CHD9: variants seen among roughly 807,000 people sequenced by gnomAD.
The protein encoded by CHD9 is ATP-dependent chromatin remodeler CHD9.
A neutral mutation model predicts 316.1 loss-of-function variants in CHD9; 77 were observed. The observed-to-expected ratio is 0.24, with a 90% CI of 0.20 to 0.29. CHD9 has a LOEUF of 0.29. Among genes scored for constraint, CHD9 ranks in the 10% least tolerant of loss-of-function variants. The pLI is 1.00. For synonymous variants in CHD9, 1,129 were observed against 1,158.3 expected (o/e 0.97, Z 0.51); for missense variants, 2,763 against 3,438.1 (o/e 0.80, Z 4.91).
chr16:53,066,999 A>G (rs1192249247), intron 1 of CHD9, among the ~76,000 whole-genome samples: 1 of 152,152 alleles, frequency 6.6e-6, no homozygotes, highest in Non-Finnish European at 1.5e-5. Flanking sequence ...GTGAAGTGCA[A>G]TGGTGCGATC....
At chr16:53,204,106 T>C (rs2045701299) in intron 2 of CHD9, among the ~76,000 whole-genome samples, 1 of 134,996 alleles carries the variant, frequency 7.4e-6, no homozygotes, top group Non-Finnish European at 1.5e-5. Flanking sequence ...AAGTAGAATG[T>C]TTCTTTATCT....
At chr16:53,284,706 G>T (rs546396378) in intron 24 of CHD9, among the ~76,000 whole-genome samples, 4 of 152,222 alleles carry the variant, frequency 2.6e-5, no homozygotes, top group African/African-American at 9.6e-5. Flanking sequence ...TTACTTTTTA[G>T]TAATCTATTG....
rs1188935060 is a variant in CHD9 at position 53,143,374 on chromosome 16, A to ATTTATTTG, written c.-164-12545_-164-12544insGTTTATTT. Among the ~76,000 whole-genome samples, 221 of 144,626 alleles carry ATTTATTTG rather than the reference A, an allele frequency of 1.5e-3. 3 individuals carry two copies. Among genetic ancestry groups the ATTTATTTG allele is most frequent in the African/African-American group, 5.5e-3 (209 of 38,116 alleles). The allele number at this position is 144,626 out of a possible 152,430, so 94.9% of individuals were successfully genotyped here. A position where few individuals can be genotyped will look rare whatever the true frequency, so the allele number is the denominator to read the frequency against. On this transcript the variant is annotated intron_variant, in intron 1 of 38. Transcript: ENST00000447540. Reference sequence around the variant, plus strand: ...TTTATCTTATTTTATTTATTTATTTATTTATTTATTTATTTATTTATTTAT... The same window carrying ATTTATTTG: ...TTTATCTTATTTTATTTATTTATTTATTTATTTGTTTATTTATTTATTTATTTATTTAT...
chr16:53,296,026 C>G (rs4784301), intron 29 of CHD9, among the ~76,000 whole-genome samples: 19,740 of 152,068 alleles, frequency 0.13, 1,422 homozygotes, highest in South Asian at 0.24. Context: ...GAATACTCAT[C>G]TTTCCCCTCC....
intron 1 of CHD9, among the ~76,000 whole-genome samples, chr16:53,137,814 A>G (rs1165339856): frequency 6.6e-6 from 1 of 152,214 alleles, no homozygotes; most frequent in Admixed American, 6.5e-5. Flanking sequence ...AAATGGCAAG[A>G]CACACAGTGT....
At chr16:53,129,486 A>G (rs1274340893) in intron 1 of CHD9, among the ~76,000 whole-genome samples, 1 of 152,180 alleles carries the variant, frequency 6.6e-6, no homozygotes. Context: ...ATCTCAGCTA[A>G]ATAGAGTTAT....
chr16:53,195,811 G>A (rs917184399), intron 2 of CHD9, among the ~76,000 whole-genome samples: 2 of 145,824 alleles, frequency 1.4e-5, no homozygotes, highest in African/African-American at 5.1e-5. Context: ...CATCTAGGCT[G>A]GAATACAGTG....
chr16:53,096,309 G>A (rs993626292), intron 1 of CHD9, among the ~76,000 whole-genome samples: 8 of 151,980 alleles, frequency 5.3e-5, no homozygotes, highest in African/African-American at 9.7e-5. Context: ...ACTTTGGGTC[G>A]CCAATACCCA....
intron 30 of CHD9, chr16:53,299,881 C>T (rs78610273): frequency 0.012 from 1,894 of 153,566 alleles, 37 homozygotes; most frequent in African/African-American, 0.043. Context: ...AGCCACCACT[C>T]TGGAAATCCT....
chr16:53,116,023 G>A (rs766286529), intron 1 of CHD9, among the ~76,000 whole-genome samples: 1 of 152,066 alleles, frequency 6.6e-6, no homozygotes, highest in African/African-American at 2.4e-5. Flanking sequence ...AAAGAGGAGC[G>A]GCAGATCATA....
rs2057536534 is a variant in CHD9, at chr16:53,326,247, C to T, written c.*1352C>T. 1 of 152,352 alleles carries T rather than the reference C, an allele frequency of 6.6e-6. No homozygotes were observed. The highest frequency in any genetic ancestry group is 2.4e-5 in the African/African-American group (1 of 41,400). 9.4% of individuals were successfully genotyped at this position (152,352 alleles called of 1,614,324 possible). A position where few individuals can be genotyped will look rare whatever the true frequency, so the allele number is the denominator to read the frequency against. On this transcript the variant is annotated 3_prime_UTR_variant, in exon 39 of 39. Transcript: ENST00000447540. ...TTATATATATTTAAAACAATTAGTA[C>T]TGAATTGGACATAAAAATATTGACA...
At chr16:53,169,733 T>A (rs1457465591) in intron 2 of CHD9, among the ~76,000 whole-genome samples, 1 of 152,162 alleles carries the variant, frequency 6.6e-6, no homozygotes, top group Non-Finnish European at 1.5e-5. Context: ...TTCACCTCCA[T>A]GAATATAAGA....
Position 53,268,051 on chromosome 16 carries a change from A to C in CHD9, c.4642A>C (p.Lys1548Gln). ...YCLVHYRGDEKIKGFIWDLIT... is the reference protein window; with the variant it reads ...YCLVHYRGDEQIKGFIWDLIT... ...CCTTGTTCACTACCGAGGAGATGAG[A>C]AGATTAAAGGTTTCATATGGGATCT... is the stretch of plus-strand genomic sequence containing the variant. The change falls in exon 22 of 39, where the codon AAG becomes CAG. Residue 1548 changes from lysine (K) to glutamine (Q), a missense_variant. By Grantham distance (53) the Lys-to-Gln change is moderately conservative. Coordinates refer to ENST00000447540, the MANE Select transcript of CHD9 (RefSeq NM_001308319.2). The C allele has an allele frequency of 6.2e-7, 1 of 1,613,486 alleles. No homozygotes were observed. Among genetic ancestry groups the C allele is most frequent in the Non-Finnish European group, 8.5e-7 (1 of 1,179,664 alleles).
chr16:53,131,523 C>T (rs1477608643), intron 1 of CHD9, among the ~76,000 whole-genome samples: 1 of 150,676 alleles, frequency 6.6e-6, no homozygotes, highest in Non-Finnish European at 1.5e-5. Flanking sequence ...CGGGCTGCTG[C>T]CCCCGCCCCC....
intron 26 of CHD9, among the ~76,000 whole-genome samples, chr16:53,287,677 A>T (rs2153045397): frequency 6.6e-6 from 1 of 152,314 alleles, no homozygotes; most frequent in Non-Finnish European, 1.5e-5. Context: ...CAGTGAGCTG[A>T]GATTGTGCCA....
Position 53,156,046 on chromosome 16 carries a change from C to G in CHD9, c.-44C>G. The stretch of plus-strand genomic sequence containing the variant: ...ATCTACTATAGAGAAGCTGAATATA[C>G]TCCATTTGGAGTGAACAGCCCGGAT... On this transcript the variant is annotated 5_prime_UTR_variant, in exon 2 of 39. Coordinates refer to ENST00000447540, the MANE Select transcript of CHD9 (RefSeq NM_001308319.2). 6.4e-7 allele frequency: 1 copy of G among 1,561,428 alleles called. No individual in the cohort carries two copies. Among genetic ancestry groups the G allele is most frequent in the Non-Finnish European group, 8.7e-7 (1 of 1,154,756 alleles).
chr16:53,238,659 T>G (rs2048830343), intron 12 of CHD9, 73 bp downstream of exon 12: 1 of 1,451,792 alleles, frequency 6.9e-7, no homozygotes, highest in Non-Finnish European at 9.4e-7. Flanking sequence ...CTACCAATTA[T>G]TTTCAAATTT....
rs141137923 is a variant in CHD9, at chr16:53,314,335, A to G, written c.7223-42A>G. The G allele has an allele frequency of 2.4e-3, 3,482 of 1,439,602 alleles. 81 individuals are homozygous for G. The African/African-American group carries it at 0.044, about 18-fold the overall frequency. The allele number at this position is 1,439,602 out of a possible 1,614,324, so 89.2% of individuals were successfully genotyped here. ...AGGGATTACTTTCAGTTTGTTTAAGAACTAAATTTGTATCACCATTTTGCA... is the reference window on the plus strand; with the variant it reads ...AGGGATTACTTTCAGTTTGTTTAAGGACTAAATTTGTATCACCATTTTGCA... On this transcript the variant is annotated intron_variant, in intron 34 of 38. Coordinates refer to ENST00000447540, the MANE Select transcript of CHD9 (RefSeq NM_001308319.2).
At chr16:53,065,574 C>T (rs1425343586) in intron 1 of CHD9, among the ~76,000 whole-genome samples, 3 of 142,922 alleles carry the variant, frequency 2.1e-5, no homozygotes, top group Non-Finnish European at 3.0e-5. Flanking sequence ...ATTGAAGCTG[C>T]AGTGAGCTCT....
Sources: allele counts gnomAD v4.1 joint callset (sites outside exome capture counted in the v4.1 genomes callset), GRCh38; gene constraint gnomAD v4.1.1; transcripts MANE v1.5; gene names NCBI Gene and HGNC (gene_info 2026-07-23, HGNC 2026-07-21).